VWA3B: variants seen among roughly 807,000 people sequenced by gnomAD.
The protein encoded by VWA3B is von Willebrand factor A domain containing 3B, also known as von Willebrand factor A domain-containing protein 3B.
A neutral mutation model predicts 158.3 loss-of-function variants in VWA3B; 138 were observed. That is an observed-to-expected ratio of 0.87 (90% CI 0.76 to 1.00). The LOEUF (loss-of-function observed/expected upper bound fraction) is 1.00, where lower values mean the gene tolerates loss of function less well. Ranked by LOEUF, VWA3B falls within the 50% of genes least tolerant of loss-of-function variation. The pLI is 0.00. For synonymous variants in VWA3B, 596 were observed against 587.3 expected, an observed-to-expected ratio of 1.01 and a Z score of -0.21; for missense variants, 1,555 against 1,565.1, an observed-to-expected ratio of 0.99 and a Z score of 0.11.
At chr2:98,178,710 T>C (rs939690362) in intron 8 of VWA3B, among the ~76,000 whole-genome samples, 7 of 152,186 alleles carry the variant, frequency 4.6e-5, no homozygotes, top group Non-Finnish European at 8.8e-5. Context: ...GGGAGCTTTG[T>C]AAAATCCCAA....
At chr2:98,290,489 A>T in intron 22 of VWA3B, 22 bp from the exon 23 acceptor site, 2 of 1,530,534 alleles carry the variant, frequency 1.3e-6, no homozygotes, top group Non-Finnish European at 8.8e-7. Flanking sequence ...CTCATCAATT[A>T]TTTCTGCTTT....
chr2:98,328,458 T>G, the VWA3B span, among the ~76,000 whole-genome samples: 1 of 152,218 alleles, frequency 6.6e-6, no homozygotes, highest in Non-Finnish European at 1.5e-5. Context: ...CTAAGACATA[T>G]TCACTACTAC....
intron 12 of VWA3B, among the ~76,000 whole-genome samples, chr2:98,198,606 C>T (rs1181954854): frequency 3.9e-5 from 6 of 152,024 alleles, no homozygotes; most frequent in African/African-American, 1.5e-4. Context: ...TGCATAGAGT[C>T]ATGTATCTCC....
intron 21 of VWA3B, among the ~76,000 whole-genome samples, chr2:98,266,223 A>G (rs1434903664): frequency 6.6e-6 from 1 of 151,836 alleles, no homozygotes; most frequent in Non-Finnish European, 1.5e-5. Context: ...ATTTTTGTAT[A>G]AGGTGTAAGG....
At chr2:98,306,982 C>A (rs1690566490) in intron 26 of VWA3B, among the ~76,000 whole-genome samples, 1 of 152,184 alleles carries the variant, frequency 6.6e-6, no homozygotes, top group Non-Finnish European at 1.5e-5. Context: ...ATAATAAGGG[C>A]TAGCAGAACC....
chr2:98,170,105 T>C (rs1212384216), intron 8 of VWA3B, among the ~76,000 whole-genome samples: 2 of 152,108 alleles, frequency 1.3e-5, no homozygotes, highest in African/African-American at 2.4e-5. Context: ...CCAGCCTGGG[T>C]GACAGAGCGA....
chr2:98,298,925 T>C (rs1301775216), intron 24 of VWA3B, among the ~76,000 whole-genome samples: 1 of 152,230 alleles, frequency 6.6e-6, no homozygotes, highest in Non-Finnish European at 1.5e-5. Context: ...CCTATGTAGA[T>C]GAAGGGATGG....
At chr2:98,204,897 A>C (rs1470613945) in intron 12 of VWA3B, among the ~76,000 whole-genome samples, 10 of 152,148 alleles carry the variant, frequency 6.6e-5, no homozygotes. Context: ...GATCACCTGA[A>C]GTCAGGAGTT....
At chr2:98,113,762 A>G (rs1251156644) in intron 2 of VWA3B, among the ~76,000 whole-genome samples, 1 of 152,178 alleles carries the variant, frequency 6.6e-6, no homozygotes, top group African/African-American at 2.4e-5. Flanking sequence ...AATTTATAAT[A>G]TGGGGTCTTT....
downstream of VWA3B, among the ~76,000 whole-genome samples, chr2:98,314,694 A>G (rs528915145): frequency 1.1e-4 from 17 of 152,358 alleles, no homozygotes; most frequent in South Asian, 2.9e-3. Flanking sequence ...GCCTAAAGAC[A>G]GGCATGAAAA....
chr2:98,262,992 TCTCAC>T (rs1687578292), intron 21 of VWA3B, among the ~76,000 whole-genome samples: 2 of 151,910 alleles, frequency 1.3e-5, no homozygotes, highest in Non-Finnish European at 2.9e-5. Context: ...TGTACAAGTC[TCTCAC>T]TTCCTTAAAA....
rs145512799 is a variant in VWA3B, at chr2:98,257,576, A to G, written c.2843+1402A>G. Among the ~76,000 whole-genome samples the G allele has an allele frequency of 6.7e-4, 101 of 151,316 alleles. 2 individuals are homozygous for G. Among genetic ancestry groups the G allele is most frequent in the African/African-American group, 2.3e-3 (94 of 41,186 alleles). ...TTCTTTTTTTTTTTAAGTCATTCTC[A>G]TGGGTGTGAAAGGCTATTCTGCTGT... On this transcript the variant is annotated intron_variant, in intron 21 of 27. Transcript: ENST00000477737.
chr2:98,135,325 C>CTTTT (rs397873615), intron 7 of VWA3B, among the ~76,000 whole-genome samples: 11 of 96,390 alleles, frequency 1.1e-4, no homozygotes, highest in South Asian at 7.6e-4. Flanking sequence ...AAACATTTTT[C>CTTTT]TTTTTTTTTT....
At chr2:98,319,195 A>G in the VWA3B span, among the ~76,000 whole-genome samples, 23 of 152,320 alleles carry the variant, frequency 1.5e-4, no homozygotes, top group Admixed American at 7.2e-4. Flanking sequence ...ACCACATACA[A>G]GAATAAACTC....
At chr2:98,288,998 G>A (rs1221981348) in intron 22 of VWA3B, among the ~76,000 whole-genome samples, 4 of 152,156 alleles carry the variant, frequency 2.6e-5, no homozygotes, top group Non-Finnish European at 5.9e-5. Flanking sequence ...ACACAAAAAA[G>A]TATTTGTACT....
chr2:98,192,760 A>C, intron 10 of VWA3B, 138 bp from the exon 11 acceptor site: 1 of 1,203,348 alleles, frequency 8.3e-7, no homozygotes, highest in Non-Finnish European at 1.2e-6. Flanking sequence ...CTCAAAGCGA[A>C]TGATCTACTC....
At chr2:98,282,125 A>T (rs1688912401) in intron 22 of VWA3B, among the ~76,000 whole-genome samples, 1 of 152,200 alleles carries the variant, frequency 6.6e-6, no homozygotes, top group African/African-American at 2.4e-5. Flanking sequence ...GCAGGATGTC[A>T]TCTTTCTGGA....
chr2:98,117,498 C>T (rs1357267199), intron 3 of VWA3B, among the ~76,000 whole-genome samples: 1 of 152,130 alleles, frequency 6.6e-6, no homozygotes, highest in Non-Finnish European at 1.5e-5. Flanking sequence ...AATGTGCTAC[C>T]AGGCTGCTGG....
chr2:98,281,305 G>C (rs1023767122), intron 22 of VWA3B, among the ~76,000 whole-genome samples: 2 of 152,082 alleles, frequency 1.3e-5, no homozygotes, highest in Middle Eastern at 3.2e-3. Context: ...CAAATGTCCC[G>C]GTCTTTTAAT....
Sources: gnomAD v4.1 joint callset for allele counts (sites outside exome capture counted in the v4.1 genomes callset) on GRCh38, gnomAD v4.1.1 for gene constraint, MANE v1.5 for transcripts, NCBI Gene and HGNC (gene_info 2026-07-23, HGNC 2026-07-21) for gene names.